Variants in PTPN4 observed in about 807,000 individuals in gnomAD.
PTPN4 encodes the protein protein tyrosine phosphatase non-receptor type 4.
In PTPN4, 49 loss-of-function variants were observed where a neutral mutation model predicts 135.5. That is an observed-to-expected ratio of 0.36 (90% CI 0.29 to 0.46). The LOEUF is 0.46. Ranked by LOEUF, PTPN4 falls within the 20% of genes least tolerant of loss-of-function variation. The probability of loss-of-function intolerance (pLI) is 1.00; values close to 1 mark genes in which losing one functional copy is unlikely to be tolerated. For missense variants in PTPN4, 860 were observed against 1,101.0 expected, an observed-to-expected ratio of 0.78 and a Z score of 3.10; for synonymous variants, 333 against 369.9, an observed-to-expected ratio of 0.90 and a Z score of 1.14.
At chr2:119,859,459 G>A (rs1002764709) in intron 2 of PTPN4, among the ~76,000 whole-genome samples, 1 of 152,288 alleles carries the variant, frequency 6.6e-6, no homozygotes, top group Admixed American at 6.5e-5. Flanking sequence ...TAGTCAGTTC[G>A]TTGTTAAGTG....
chr2:119,850,258 G>C (rs537471690), intron 2 of PTPN4, among the ~76,000 whole-genome samples: 48 of 152,290 alleles, frequency 3.2e-4, no homozygotes, highest in Non-Finnish European at 5.7e-4. Context: ...CTCTTGGAGT[G>C]AAACTCCTGC....
chr2:119,941,908 T>C (rs537616062), intron 15 of PTPN4, among the ~76,000 whole-genome samples: 2 of 152,256 alleles, frequency 1.3e-5, no homozygotes, highest in South Asian at 4.1e-4. Context: ...ATAGAGCTCA[T>C]GCTGCATCTA....
Position 119,945,140 on chromosome 2 carries a change from A to G in PTPN4, c.1415A>G (p.Lys472Arg). Residue 472 changes from lysine (K) to arginine (R), a missense_variant, in exon 16 of 27, where the codon AAA becomes AGA. This residue lies in a region of PTPN4 where 684 missense variants were observed against 807.0 expected (regional missense o/e 0.85). Transcript: ENST00000263708. Reference sequence around the variant, plus strand: ...GCTTTACCACCCAAACAGTCAAAGAAAAACAGTTGGAACCAAATTCATTAT... The same window carrying G: ...GCTTTACCACCCAAACAGTCAAAGAGAAACAGTTGGAACCAAATTCATTAT... Reference protein sequence around the residue: ...PPALPPKQSKKNSWNQIHYSH... With the variant: ...PPALPPKQSKRNSWNQIHYSH... 2 of 1,606,022 alleles carry G rather than the reference A, an allele frequency of 1.2e-6. No individual in the cohort carries two copies. Among genetic ancestry groups the G allele is most frequent in the Non-Finnish European group, 8.5e-7 (1 of 1,176,874 alleles).
intron 5 of PTPN4, chr2:119,880,030 T>G (rs1221974624): frequency 6.6e-5 from 6 of 90,394 alleles, no homozygotes; most frequent in African/African-American, 1.3e-4. Context: ...TATGGGGGGG[T>G]GGGGGGCGGG....
chr2:119,836,529 C>A (rs1482506905), intron 2 of PTPN4, among the ~76,000 whole-genome samples: 1 of 152,250 alleles, frequency 6.6e-6, no homozygotes, highest in Non-Finnish European at 1.5e-5. Context: ...GGGCTGTGCA[C>A]TCCACGGAGC....
chr2:119,786,070 C>G lies in PTPN4; in HGVS notation c.-17-23767C>G, dbSNP rs542940534. Among the ~76,000 whole-genome samples, 278 of 152,294 alleles carry G rather than the reference C, an allele frequency of 1.8e-3. 1 individual carries two copies. The South Asian group carries it at 0.026, about 14-fold the overall frequency. ...TTAGTGGTTTTAATGCCACTCCAGTCAAATTACACTTCTCCTCCTTTCATA... is the reference window on the plus strand; with the variant it reads ...TTAGTGGTTTTAATGCCACTCCAGTGAAATTACACTTCTCCTCCTTTCATA... On this transcript the variant is annotated intron_variant, in intron 1 of 26. Transcript: ENST00000263708.
At chr2:119,866,750 C>T (rs1032069529) in intron 3 of PTPN4, among the ~76,000 whole-genome samples, 8 of 152,224 alleles carry the variant, frequency 5.3e-5, no homozygotes, top group African/African-American at 1.9e-4. Context: ...GGAAAAGTCA[C>T]ATACAGGCTG....
chr2:119,877,595 A>T, intron 5 of PTPN4, 53 bp downstream of exon 5: 1 of 1,538,850 alleles, frequency 6.5e-7, no homozygotes, highest in Non-Finnish European at 8.7e-7. Context: ...TCTAATATGA[A>T]ATTTTGAAAT....
chr2:119,779,692 G>T (rs1452949824), intron 1 of PTPN4, among the ~76,000 whole-genome samples: 1 of 151,496 alleles, frequency 6.6e-6, no homozygotes, highest in East Asian at 1.9e-4. Flanking sequence ...TTTGATAACT[G>T]TGGTTTTATT....
At chr2:119,894,043 A>G (rs1370176218) in intron 9 of PTPN4, among the ~76,000 whole-genome samples, 5 of 152,172 alleles carry the variant, frequency 3.3e-5, no homozygotes, top group Non-Finnish European at 4.4e-5. Flanking sequence ...TGTTAATCCC[A>G]TTTAATCCTT....
chr2:119,967,752 T>C, intron 25 of PTPN4, 85 bp from the exon 26 acceptor site: 1 of 1,078,644 alleles, frequency 9.3e-7, no homozygotes. Flanking sequence ...TTCTTCTGTG[T>C]TATAATTCAG....
chr2:119,975,278 A>C (rs1373500059), intron 26 of PTPN4, among the ~76,000 whole-genome samples: 1 of 151,716 alleles, frequency 6.6e-6, no homozygotes, highest in Non-Finnish European at 1.5e-5. Flanking sequence ...GCACCCACCC[A>C]ATTTTTTTTT....
At chr2:119,820,040 C>G (rs1677042639) in intron 2 of PTPN4, among the ~76,000 whole-genome samples, 1 of 152,018 alleles carries the variant, frequency 6.6e-6, no homozygotes, top group African/African-American at 2.4e-5. Context: ...TTAAAAAATT[C>G]TTTAGAGACG....
chr2:119,790,734 T>G (rs1371308875), intron 1 of PTPN4, among the ~76,000 whole-genome samples: 1 of 152,202 alleles, frequency 6.6e-6, no homozygotes, highest in Non-Finnish European at 1.5e-5. Context: ...TTATATGTCT[T>G]TGGTCCCTTT....
chr2:119,948,075 A>G (rs1169536464), intron 18 of PTPN4, among the ~76,000 whole-genome samples: 1 of 152,118 alleles, frequency 6.6e-6, no homozygotes, highest in Non-Finnish European at 1.5e-5. Context: ...CTGGGGACAT[A>G]CTATTAATAT....
chr2:119,845,392 A>G (rs1185264444), intron 2 of PTPN4, among the ~76,000 whole-genome samples: 1 of 151,916 alleles, frequency 6.6e-6, no homozygotes, highest in African/African-American at 2.4e-5. Context: ...TTTCTAATTC[A>G]GTCTCTTTAC....
intron 25 of PTPN4, among the ~76,000 whole-genome samples, chr2:119,966,111 C>A (rs1486982767): frequency 6.6e-6 from 1 of 152,134 alleles, no homozygotes; most frequent in Non-Finnish European, 1.5e-5. Context: ...TCCATTATGG[C>A]ACTTTGTTGT....
At chr2:119,904,210 A>G (rs563027037) in intron 10 of PTPN4, among the ~76,000 whole-genome samples, 3 of 152,172 alleles carry the variant, frequency 2.0e-5, no homozygotes, top group African/African-American at 4.8e-5. Context: ...GAGAAATTCA[A>G]CTGAGAGATA....
intron 1 of PTPN4, among the ~76,000 whole-genome samples, chr2:119,764,281 A>G (rs758209221): frequency 6.6e-6 from 1 of 152,238 alleles, no homozygotes; most frequent in Non-Finnish European, 1.5e-5. Context: ...TAAAGGCCAT[A>G]TTTTAACATG....
Sources: allele counts gnomAD v4.1 joint callset (sites outside exome capture counted in the v4.1 genomes callset), GRCh38; gene constraint gnomAD v4.1.1; regional missense constraint gnomAD v4.1.1; transcripts MANE v1.5; gene names NCBI Gene and HGNC (gene_info 2026-07-23, HGNC 2026-07-21).